The following PPP1R36 variants were observed in gnomAD, a reference collection of about 807,000 sequenced individuals.
PPP1R36 encodes the protein chromosome 14 open reading frame 50.
A neutral mutation model predicts 53.4 loss-of-function variants in PPP1R36; 47 were observed. The ratio of observed to expected loss-of-function variants is 0.88; its 90% CI spans 0.70 to 1.12. The LOEUF is 1.12. Among genes scored for constraint, PPP1R36 ranks in the 50% most tolerant of loss-of-function variants. The pLI is 0.00. For missense variants in PPP1R36, 456 were observed against 513.9 expected (o/e 0.89, Z 1.09); for synonymous variants, 153 against 170.5 (o/e 0.90, Z 0.80).
intron 7 of PPP1R36, among the ~76,000 whole-genome samples, chr14:64,569,820 C>T (rs908948003): frequency 2.0e-5 from 3 of 151,458 alleles, no homozygotes; most frequent in Non-Finnish European, 4.4e-5. Context: ...CTCACTGCAA[C>T]GTCCACCGCT....
intron 7 of PPP1R36, among the ~76,000 whole-genome samples, chr14:64,573,955 A>G (rs2080323134): frequency 1.4e-5 from 2 of 144,554 alleles, no homozygotes. Flanking sequence ...GCAAAAATAC[A>G]CCATAAGCTT....
intron 6 of PPP1R36, 143 bp from the exon 7 acceptor site, chr14:64,568,206 G>A: frequency 5.3e-6 from 2 of 377,932 alleles, no homozygotes; most frequent in Non-Finnish European, 9.3e-6. Context: ...AATTTTAAGT[G>A]GTAAATTAGT....
chr14:64,575,577 T>C (rs757167460), intron 8 of PPP1R36, among the ~76,000 whole-genome samples: 2 of 152,212 alleles, frequency 1.3e-5, no homozygotes, highest in Non-Finnish European at 2.9e-5. Flanking sequence ...ACAGTATATT[T>C]ACCTAGAAAG....
chr14:64,551,097 T>A, intron 2 of PPP1R36, 112 bp downstream of exon 2: 3 of 676,144 alleles, frequency 4.4e-6, no homozygotes, highest in Non-Finnish European at 5.0e-6. Flanking sequence ...CTTTGCCATC[T>A]GGAAGGAAAC....
chr14:64,561,514 TG>T (rs1405605431), intron 3 of PPP1R36, among the ~76,000 whole-genome samples: 2 of 152,224 alleles, frequency 1.3e-5, no homozygotes, highest in Non-Finnish European at 2.9e-5. Flanking sequence ...AAGGGAGACC[TG>T]GGTTCACATC....
intron 6 of PPP1R36, among the ~76,000 whole-genome samples, chr14:64,567,290 A>C (rs1488814777): frequency 6.6e-6 from 1 of 152,248 alleles, no homozygotes; most frequent in Non-Finnish European, 1.5e-5. Flanking sequence ...GAACATTGTA[A>C]ATCAGTGCAG....
Position 64,586,886 on chromosome 14 carries a change from C to A in PPP1R36, c.711+7C>A. 1 of 1,609,178 alleles carries A rather than the reference C, an allele frequency of 6.2e-7. No homozygotes were observed. The highest frequency in any genetic ancestry group is 1.1e-5 in the South Asian group (1 of 90,704). On this transcript the variant is annotated splice_region_variant and intron_variant, in intron 9 of 11. Coordinates refer to ENST00000298705, the MANE Select transcript of PPP1R36 (RefSeq NM_172365.3). The stretch of plus-strand genomic sequence containing the variant: ...AGACTGGAAGTTCTTTGAGGTGAGT[C>A]ACTTATGTTTTGGTGCTTTTTGATA...
chr14:64,565,297 A>T, intron 4 of PPP1R36, 60 bp from the exon 5 acceptor site: 1 of 1,174,138 alleles, frequency 8.5e-7, no homozygotes, highest in Non-Finnish European at 1.2e-6. Context: ...ACCTCAGGAT[A>T]GATTAAATAC....
At chr14:64,567,199 C>G (rs112040628) in intron 6 of PPP1R36, among the ~76,000 whole-genome samples, 1 of 152,232 alleles carries the variant, frequency 6.6e-6, no homozygotes, top group Non-Finnish European at 1.5e-5. Flanking sequence ...GAATTTCCAT[C>G]TGGGGCCACA....
intron 8 of PPP1R36, among the ~76,000 whole-genome samples, chr14:64,580,563 C>T (rs569594544): frequency 8.5e-5 from 13 of 152,244 alleles, no homozygotes; most frequent in African/African-American, 3.1e-4. Flanking sequence ...AGCTCATTTC[C>T]AGATGGTGCT....
intron 2 of PPP1R36, among the ~76,000 whole-genome samples, chr14:64,551,954 A>G (rs76079663): frequency 6.6e-6 from 1 of 152,356 alleles, no homozygotes; most frequent in East Asian, 1.9e-4. Context: ...AGGATTACAG[A>G]TAATTATACA....
intron 3 of PPP1R36, chr14:64,559,475 G>A (rs2080186521): frequency 6.6e-6 from 1 of 152,300 alleles, no homozygotes; most frequent in South Asian, 2.1e-4. Flanking sequence ...AAGTCCAGTG[G>A]ACAGAGGAGA....
rs367986826 is a variant in PPP1R36, at chr14:64,552,037, TAA to T, written c.135-776_135-775del. Among the ~76,000 whole-genome samples, 67 of 152,268 alleles carry T rather than the reference TAA, an allele frequency of 4.4e-4. No individual in the cohort carries two copies. In the South Asian group the frequency reaches 9.1e-3, roughly 21 times the overall value. Reference sequence around the variant, plus strand: ...GAAAGGCAAAGGACTAAGAAATACTTAAGAGAGGATTGACAGGATGTTTGGAT... The same window carrying T: ...GAAAGGCAAAGGACTAAGAAATACTTGAGAGGATTGACAGGATGTTTGGAT... On this transcript the variant is annotated intron_variant, in intron 2 of 11. Transcript: ENST00000298705.
intron 11 of PPP1R36, 78 bp downstream of exon 11, chr14:64,588,373 C>A: frequency 2.4e-6 from 3 of 1,271,102 alleles, no homozygotes; most frequent in Non-Finnish European, 3.3e-6. Context: ...GGGGCCCAGG[C>A]ACCATGCCTC....
intron 9 of PPP1R36, 101 bp from the exon 10 acceptor site, chr14:64,587,093 G>T: frequency 1.1e-6 from 1 of 938,940 alleles, no homozygotes; most frequent in East Asian, 2.5e-5. Flanking sequence ...TGGGAAATTG[G>T]GTCATCTGGG....
intron 7 of PPP1R36, 49 bp downstream of exon 7, chr14:64,568,496 T>G: frequency 1.2e-6 from 1 of 815,616 alleles, no homozygotes; most frequent in South Asian, 1.9e-5. Flanking sequence ...CTGCCAGTAT[T>G]AAAAGTAACT....
In PPP1R36 at chr14:64,586,888, C is replaced by A. The variant is rs779503144; in HGVS notation, c.711+9C>A. The A allele has an allele frequency of 1.6e-5, 25 of 1,608,938 alleles. No individual in the cohort carries two copies. Among genetic ancestry groups the A allele is most frequent in the Admixed American group, 8.4e-5 (5 of 59,812 alleles). On this transcript the variant is annotated intron_variant, in intron 9 of 11. Coordinates refer to ENST00000298705, the MANE Select transcript of PPP1R36 (RefSeq NM_172365.3). ...ACTGGAAGTTCTTTGAGGTGAGTCA[C>A]TTATGTTTTGGTGCTTTTTGATATG...
chr14:64,568,150 C>T (rs1380989181), intron 6 of PPP1R36, among the ~76,000 whole-genome samples, 199 bp from the exon 7 acceptor site: 2 of 152,092 alleles, frequency 1.3e-5, no homozygotes, highest in South Asian at 2.1e-4. Flanking sequence ...AAAAGTTTTA[C>T]TTACAAAAAC....
chr14:64,586,924 T>C, intron 9 of PPP1R36, 45 bp downstream of exon 9: 1 of 1,485,320 alleles, frequency 6.7e-7, no homozygotes, highest in Non-Finnish European at 9.4e-7. Context: ...AAACAATATA[T>C]ACCAACAACC....
Sources: gnomAD v4.1 joint callset for allele counts (sites outside exome capture counted in the v4.1 genomes callset) on GRCh38, gnomAD v4.1.1 for gene constraint, MANE v1.5 for transcripts, NCBI Gene and HGNC (gene_info 2026-07-23, HGNC 2026-07-21) for gene names.